Variants in GPR89B observed in about 807,000 individuals in gnomAD.
GPR89B encodes G protein-coupled receptor 89B.
In GPR89B, 25 loss-of-function variants were observed where a neutral mutation model predicts 52.4. That is an observed-to-expected ratio of 0.48 (90% CI 0.35 to 0.67). The LOEUF (loss-of-function observed/expected upper bound fraction) is 0.67, where lower values mean the gene tolerates loss of function less well. Among genes scored for constraint, GPR89B ranks in the 30% least tolerant of loss-of-function variants. The pLI is 0.01. For synonymous variants in GPR89B, 52 were observed against 151.2 expected (o/e 0.34, Z 4.81); for missense variants, 146 against 450.2 (o/e 0.32, Z 6.11).
At chr1:147,995,917 C>G (rs1240979954), downstream of GPR89B, 1 of 1,417,488 alleles carries the variant, frequency 7.1e-7, no homozygotes, top group East Asian at 2.3e-5. Flanking sequence ...TTATCAATTT[C>G]AAACAGAGAA....
downstream of GPR89B, among the ~76,000 whole-genome samples, chr1:147,997,574 C>T (rs1659346190): frequency 6.6e-6 from 1 of 152,114 alleles, no homozygotes; most frequent in African/African-American, 2.4e-5. Context: ...GACGGAGCCA[C>T]ACTACTGGCA....
intron 10 of GPR89B, among the ~76,000 whole-genome samples, chr1:147,974,801 G>A (rs1317831802): frequency 7.4e-6 from 1 of 134,504 alleles, no homozygotes; most frequent in African/African-American, 2.9e-5. Flanking sequence ...GATATTGGCT[G>A]TGGGTTTGTT....
intron 10 of GPR89B, among the ~76,000 whole-genome samples, chr1:147,983,024 A>G (rs1343048589): frequency 9.2e-5 from 14 of 152,182 alleles, no homozygotes; most frequent in East Asian, 1.9e-4. Context: ...ATCACGCCGC[A>G]TATCTACAAC....
the GPR89B span, chr1:148,009,735 G>A: frequency 9.7e-6 from 9 of 926,532 alleles, no homozygotes; most frequent in South Asian, 1.3e-4. Flanking sequence ...TAGTTCCTCA[G>A]CCACCTCCAT....
At chr1:147,996,486 C>T, downstream of GPR89B, 3 of 1,405,258 alleles carry the variant, frequency 2.1e-6, no homozygotes, top group Non-Finnish European at 3.0e-6. Flanking sequence ...CTAATTGTGG[C>T]TGTGTTTGTT....
intron 1 of GPR89B, 25 bp downstream of exon 1, chr1:147,928,603 C>T (rs1427953304): frequency 3.7e-6 from 6 of 1,613,684 alleles, no homozygotes; most frequent in Non-Finnish European, 5.1e-6. Flanking sequence ...CCCGCCCCGA[C>T]ACCCGTCCGC....
intron 5 of GPR89B, among the ~76,000 whole-genome samples, chr1:147,946,323 T>C (rs1157754036): frequency 6.6e-6 from 1 of 152,186 alleles, no homozygotes; most frequent in Non-Finnish European, 1.5e-5. Flanking sequence ...AACTGACACA[T>C]AACAAGTGTT....
chr1:147,946,633 T>C (rs1553249838), intron 5 of GPR89B, among the ~76,000 whole-genome samples: 1 of 152,044 alleles, frequency 6.6e-6, no homozygotes, highest in East Asian at 1.9e-4. Flanking sequence ...CAGTCTCACA[T>C]GCACTACAAA....
At chr1:147,948,204 A>T (rs1231677829) in intron 5 of GPR89B, among the ~76,000 whole-genome samples, 2 of 152,058 alleles carry the variant, frequency 1.3e-5, no homozygotes, top group Non-Finnish European at 2.9e-5. Flanking sequence ...TTAAGCTGAG[A>T]TTTAAAGGAC....
At chr1:147,977,571 A>G (rs1484889942) in intron 10 of GPR89B, among the ~76,000 whole-genome samples, 51 of 151,650 alleles carry the variant, frequency 3.4e-4, no homozygotes, top group African/African-American at 1.2e-3. Flanking sequence ...ATCCTGAAGT[A>G]TGTTTTCCAA....
At chr1:147,948,962 C>T (rs1191420298) in intron 5 of GPR89B, among the ~76,000 whole-genome samples, 2 of 151,928 alleles carry the variant, frequency 1.3e-5, no homozygotes, top group South Asian at 2.1e-4. Flanking sequence ...GGTGATGACT[C>T]TTAACGAGCA....
chr1:147,965,594 C>T (rs1239248419), intron 7 of GPR89B, among the ~76,000 whole-genome samples: 4 of 152,078 alleles, frequency 2.6e-5, no homozygotes, highest in South Asian at 2.1e-4. Context: ...CTGTACTAGT[C>T]GGTCCTCCAC....
chr1:148,003,457 A>G, the GPR89B span, among the ~76,000 whole-genome samples: 1 of 152,204 alleles, frequency 6.6e-6, no homozygotes, highest in Non-Finnish European at 1.5e-5. Flanking sequence ...GAAATTGGAC[A>G]TGGGAGGAGT....
In GPR89B at chr1:147,993,475, T is replaced by C. The variant is rs1253919093; in HGVS notation, c.*558T>C. On this transcript the variant is annotated 3_prime_UTR_variant, in exon 14 of 14. Transcript: ENST00000314163. ...AATAACCAAGAGGTTATCTGTTCTTTTCCGGGAAAGGGGTGGTATGCACCT... is the reference window on the plus strand; with the variant it reads ...AATAACCAAGAGGTTATCTGTTCTTCTCCGGGAAAGGGGTGGTATGCACCT... 2.2e-5 allele frequency: 4 copies of C among 181,244 alleles called. No individual in the cohort carries two copies. The highest frequency in any genetic ancestry group is 9.6e-5 in the African/African-American group (4 of 41,718). 11.2% of individuals were successfully genotyped at this position (181,244 alleles called of 1,614,324 possible). A position where few individuals can be genotyped will look rare whatever the true frequency, so the allele number is the denominator to read the frequency against.
At chr1:148,022,067 A>G in the GPR89B span, 2 of 150,514 alleles carry the variant, frequency 1.3e-5, no homozygotes, top group Non-Finnish European at 3.0e-5. Context: ...ACTTTTCTCC[A>G]TCTTGTTTTC....
At chr1:147,990,694 G>A (rs1411921251) in intron 12 of GPR89B, among the ~76,000 whole-genome samples, 6 of 151,810 alleles carry the variant, frequency 4.0e-5, no homozygotes, top group East Asian at 1.9e-4. Context: ...AGCACCATTT[G>A]TTAAATAGGG....
intron 10 of GPR89B, among the ~76,000 whole-genome samples, chr1:147,981,615 C>G (rs1658259007): frequency 6.6e-6 from 1 of 150,918 alleles, no homozygotes; most frequent in Non-Finnish European, 1.5e-5. Context: ...TACTTTTGGG[C>G]CATTATCAAT....
chr1:147,948,839 T>C (rs1553250236), intron 5 of GPR89B, among the ~76,000 whole-genome samples: 2 of 147,166 alleles, frequency 1.4e-5, no homozygotes, highest in Non-Finnish European at 3.0e-5. Context: ...AGGACAATAG[T>C]GGAGGGAGGG....
the GPR89B span, among the ~76,000 whole-genome samples, chr1:148,015,606 G>T: frequency 1.4e-5 from 2 of 147,572 alleles, 1 homozygote; most frequent in Non-Finnish European, 3.0e-5. Context: ...GAGCCACCGC[G>T]CCCGGCCTTC....
Sources: allele counts gnomAD v4.1 joint callset (sites outside exome capture counted in the v4.1 genomes callset), GRCh38; gene constraint gnomAD v4.1.1; transcripts MANE v1.5; gene names NCBI Gene and HGNC (gene_info 2026-07-23, HGNC 2026-07-21).